ZSCAN5A: variants seen among roughly 807,000 people sequenced by gnomAD.
The protein encoded by ZSCAN5A is zinc finger and SCAN domain containing 5A.
A neutral mutation model predicts 23.7 loss-of-function variants in ZSCAN5A; 12 were observed. That is an observed-to-expected ratio of 0.51 (90% CI 0.32 to 0.82). The LOEUF (loss-of-function observed/expected upper bound fraction) is 0.82, where lower values mean the gene tolerates loss of function less well. ZSCAN5A is among the 40% of genes least tolerant of loss of function. The pLI is 0.03. For missense variants in ZSCAN5A, 597 were observed against 617.9 expected (o/e 0.97, Z 0.36); for synonymous variants, 257 against 239.9 (o/e 1.07, Z -0.66).
chr19:56,320,086 G>A, intron 2 of ZSCAN5A: 1 of 773,044 alleles, frequency 1.3e-6, no homozygotes, highest in Non-Finnish European at 2.4e-6. Flanking sequence ...ACCTGTCACT[G>A]TCTGAAGGCA....
intron 2 of ZSCAN5A, chr19:56,245,477 G>T (rs555373580): frequency 9.7e-5 from 54 of 559,030 alleles, no homozygotes; most frequent in African/African-American, 9.2e-4. Context: ...AGGAACAGGA[G>T]AAAACTGAGT....
intron 2 of ZSCAN5A, 105 bp downstream of exon 2, chr19:56,313,178 A>G (rs543714992): frequency 8.6e-6 from 2 of 233,328 alleles, no homozygotes; most frequent in South Asian, 7.9e-5. Context: ...CCACCCAGTA[A>G]GTTGATGACA....
chr19:56,257,097 TTAGA>T (rs2036755936), intron 2 of ZSCAN5A, among the ~76,000 whole-genome samples: 1 of 151,872 alleles, frequency 6.6e-6, no homozygotes, highest in African/African-American at 2.4e-5. Context: ...TCTAGCGGGG[TTAGA>T]TAGCCCCTCA....
chr19:56,273,727 A>G lies in ZSCAN5A; in HGVS notation c.-128+39556T>C, dbSNP rs918766807. Among the ~76,000 whole-genome samples, 6 of 152,154 alleles carry G rather than the reference A, an allele frequency of 3.9e-5. No homozygotes were observed. The East Asian group carries it at 1.2e-3, about 29-fold the overall frequency. On this transcript the variant is annotated intron_variant, in intron 2 of 5. Coordinates refer to ENST00000683990, the MANE Select transcript of ZSCAN5A (RefSeq NM_001322064.3). ...GGAGGGGCATGGTGGTGAGACTGTT[A>G]CAAGTAAGAAGAGACAGGAGGCAGG... is the stretch of plus-strand genomic sequence containing the variant.
rs1165279042 is a variant in ZSCAN5A at position 56,221,698 on chromosome 19, C to T, written c.1368G>A (p.Lys456=). The change falls in exon 6 of 6, where the codon AAG becomes AAA. Residue 456 remains lysine (K), a synonymous_variant. Transcript: ENST00000683990. ...CTCCGGAGTGGATGCGCTGGTGCTC[C>T]TTCAGGCTCCCCCTGTAGGTGAAAA... is the stretch of plus-strand genomic sequence containing the variant. The part of the protein sequence containing the change: ...KKVFTYRGSL[K]EHQRIHSGEK... 6.2e-7 allele frequency: 1 copy of T among 1,614,188 alleles called. No individual in the cohort carries two copies. The highest frequency in any genetic ancestry group is 8.5e-7 in the Non-Finnish European group (1 of 1,180,042).
At chr19:56,321,372 A>T in intron 2 of ZSCAN5A, 1 of 642,806 alleles carries the variant, frequency 1.6e-6, no homozygotes. Context: ...GGACACCAGC[A>T]GTTGGCTGGC....
At chr19:56,365,052 C>T (rs2041756317) in intron 1 of ZSCAN5A, 1 of 152,166 alleles carries the variant, frequency 6.6e-6, no homozygotes, top group Admixed American at 6.5e-5. Context: ...AAGAAAACAT[C>T]CATTCCTGGA....
intron 2 of ZSCAN5A, among the ~76,000 whole-genome samples, chr19:56,239,316 G>A (rs1036243): frequency 0.59 from 89,300 of 151,312 alleles, 27,269 homozygotes; most frequent in South Asian, 0.7. Context: ...ATCAGTCAGC[G>A]GATGCTGCGA....
chr19:56,307,660 C>G (rs1175337134), intron 2 of ZSCAN5A, among the ~76,000 whole-genome samples: 2 of 152,078 alleles, frequency 1.3e-5, no homozygotes, highest in African/African-American at 4.8e-5. Context: ...ACTGCAAATG[C>G]CTAATAGTTT....
intron 2 of ZSCAN5A, among the ~76,000 whole-genome samples, chr19:56,296,892 G>A (rs2039912324): frequency 6.6e-6 from 1 of 152,064 alleles, no homozygotes; most frequent in South Asian, 2.1e-4. Flanking sequence ...CAATTATTTT[G>A]AAACAAATTT....
At chr19:56,251,648 C>T (rs2036351724) in intron 2 of ZSCAN5A, among the ~76,000 whole-genome samples, 1 of 152,152 alleles carries the variant, frequency 6.6e-6, no homozygotes, top group Admixed American at 6.5e-5. Flanking sequence ...GCCTTGATCT[C>T]CTGGGCACCA....
chr19:56,295,967 G>A (rs2039846156), intron 2 of ZSCAN5A: 2 of 152,722 alleles, frequency 1.3e-5, no homozygotes, highest in Admixed American at 1.3e-4. Flanking sequence ...AGAGATCCTA[G>A]GTGACACCTC....
At chr19:56,239,209 T>C (rs1190266608) in intron 2 of ZSCAN5A, among the ~76,000 whole-genome samples, 1 of 152,200 alleles carries the variant, frequency 6.6e-6, no homozygotes, top group East Asian at 1.9e-4. Context: ...CCAGAATCAG[T>C]GTAATATTAA....
At chr19:56,362,611 TG>T (rs2041741154) in intron 2 of ZSCAN5A, among the ~76,000 whole-genome samples, 1 of 152,116 alleles carries the variant, frequency 6.6e-6, no homozygotes, top group Non-Finnish European at 1.5e-5. Flanking sequence ...GGCTCACGCC[TG>T]TAATCCTAGC....
intron 2 of ZSCAN5A, among the ~76,000 whole-genome samples, chr19:56,278,267 G>A (rs2038417510): frequency 6.6e-6 from 1 of 152,106 alleles, no homozygotes; most frequent in Non-Finnish European, 1.5e-5. Context: ...CCAAGTAGCT[G>A]GGACTATAGG....
intron 2 of ZSCAN5A, among the ~76,000 whole-genome samples, chr19:56,252,183 GAGGGTGCTGGGT>G (rs145767106): frequency 0.013 from 2,005 of 152,308 alleles, 42 homozygotes; most frequent in African/African-American, 0.043. Flanking sequence ...TAATGGATTG[GAGGGTGCTGGGT>G]AAGAGAGGAT....
At chr19:56,225,327 T>C (rs1328362448) in intron 2 of ZSCAN5A, 154 bp from the exon 3 acceptor site, 4 of 529,520 alleles carry the variant, frequency 7.6e-6, no homozygotes, top group African/African-American at 5.9e-5. Context: ...CATACTCTGG[T>C]TTAAAATCTT....
chr19:56,278,938 C>T (rs927268070), intron 2 of ZSCAN5A, among the ~76,000 whole-genome samples: 23 of 152,288 alleles, frequency 1.5e-4, no homozygotes, highest in Middle Eastern at 3.4e-3. Context: ...ATGGTGCTCA[C>T]CCACCGTGAG....
chr19:56,226,919 G>A (rs866558255), intron 2 of ZSCAN5A, among the ~76,000 whole-genome samples: 3 of 151,716 alleles, frequency 2.0e-5, no homozygotes, highest in African/African-American at 7.3e-5. Context: ...TAAAACACAA[G>A]TTCAAATTAC....
Sources: allele counts gnomAD v4.1 joint callset (sites outside exome capture counted in the v4.1 genomes callset), GRCh38; gene constraint gnomAD v4.1.1; transcripts MANE v1.5; gene names NCBI Gene and HGNC (gene_info 2026-07-23, HGNC 2026-07-21).